The following KIRREL3 variants were observed in gnomAD, a reference collection of about 807,000 sequenced individuals.
KIRREL3 encodes kirre like nephrin family adhesion molecule 3.
KIRREL3 carries 36 observed loss-of-function variants against 89.7 expected under a neutral mutation model. That is an observed-to-expected ratio of 0.40 (90% CI 0.31 to 0.53). The LOEUF is 0.53. Ranked by LOEUF, KIRREL3 falls within the 20% of genes least tolerant of loss-of-function variation. The probability of loss-of-function intolerance (pLI) is 0.49; values close to 1 mark genes in which losing one functional copy is unlikely to be tolerated. For synonymous variants in KIRREL3, 445 were observed against 441.4 expected, an observed-to-expected ratio of 1.01 and a Z score of -0.10; for missense variants, 864 against 1,056.6, an observed-to-expected ratio of 0.82 and a Z score of 2.53.
intron 1 of KIRREL3, among the ~76,000 whole-genome samples, chr11:126,733,110 T>G (rs1254594941): frequency 1.3e-5 from 2 of 152,236 alleles, no homozygotes; most frequent in Non-Finnish European, 2.9e-5. Context: ...AAAGTGTAAT[T>G]TCTAGTCCCT....
chr11:126,521,656 TTC>T lies in KIRREL3; in HGVS notation c.284-194_284-193del, dbSNP rs749386420. 7.0e-3 allele frequency among the ~76,000 whole-genome samples: 1,031 copies of T among 148,134 alleles called. 13 individuals carry two copies. The highest frequency in any genetic ancestry group is 0.018 in the African/African-American group (705 of 40,056). ...TTTCCCAAGGCATTGAAGGTGTTGG[TTC>T]TCTCTCTCTCTCTCTGTATGTGTGT... On this transcript the variant is annotated intron_variant, in intron 3 of 16. Transcript: ENST00000525144. The surrounding 1 kb of genome is among the most constrained non-coding windows in gnomAD (Gnocchi z 4.1).
intron 1 of KIRREL3, among the ~76,000 whole-genome samples, chr11:126,757,032 A>T (rs1949526284): frequency 6.6e-6 from 1 of 152,178 alleles, no homozygotes; most frequent in African/African-American, 2.4e-5. Flanking sequence ...CATGTTACAC[A>T]CATCATTTCT....
chr11:126,480,869 G>A (rs1288049897), intron 4 of KIRREL3, among the ~76,000 whole-genome samples: 1 of 152,192 alleles, frequency 6.6e-6, no homozygotes, highest in Admixed American at 6.5e-5. Flanking sequence ...CTCTGGTTCT[G>A]GGCCGCGTGT....
chr11:126,451,719 C>T (rs568740058), intron 7 of KIRREL3, among the ~76,000 whole-genome samples: 29 of 152,186 alleles, frequency 1.9e-4, no homozygotes, highest in Admixed American at 2.6e-4. Flanking sequence ...TGTGTGAGCA[C>T]GTGCATATGC....
At chr11:126,968,006 G>A (rs1270516251) in intron 1 of KIRREL3, among the ~76,000 whole-genome samples, 1 of 152,128 alleles carries the variant, frequency 6.6e-6, no homozygotes, top group African/African-American at 2.4e-5. Context: ...CTATTTTCCT[G>A]CCTATCTTAC....
In KIRREL3 at chr11:126,485,023, T is replaced by A. The variant is rs1591617611; in HGVS notation, c.434-11557A>T. ...TTGGTGGAGACGGGGTTTCGTCATG[T>A]TGGCCAGGCTGGTCTCAAACGCCTG... On this transcript the variant is annotated intron_variant, in intron 4 of 16. Transcript: ENST00000525144. The surrounding 1 kb of genome is among the most constrained non-coding windows in gnomAD (Gnocchi z 5.8). 6.6e-6 allele frequency among the ~76,000 whole-genome samples: 1 copy of A among 152,154 alleles called. No homozygotes were observed. Among genetic ancestry groups the A allele is most frequent in the Non-Finnish European group, 1.5e-5 (1 of 68,022 alleles).
intron 1 of KIRREL3, among the ~76,000 whole-genome samples, chr11:126,731,275 C>T (rs560537344): frequency 4.1e-4 from 62 of 152,236 alleles, no homozygotes; most frequent in Non-Finnish European, 6.8e-4. Context: ...GATAATCTGC[C>T]GTTCTCTGAG....
rs2135235321 is a variant in KIRREL3 at position 126,977,181 on chromosome 11, C to T, written c.55+23274G>A. Among the ~76,000 whole-genome samples the T allele has an allele frequency of 6.6e-6, 1 of 152,256 alleles. No individual in the cohort carries two copies. Among genetic ancestry groups the T allele is most frequent in the African/African-American group, 2.4e-5 (1 of 41,540 alleles). On this transcript the variant is annotated intron_variant, in intron 1 of 16. Transcript: ENST00000525144. The surrounding 1 kb of genome is among the most constrained non-coding windows in gnomAD (Gnocchi z 4.7). ...GGCACCTTTGTTACAGGCTCCTGCA[C>T]CTCTTTTGTCCTCTTCTTCTGCCAG...
rs932057226 is a variant in KIRREL3 at position 126,640,171 on chromosome 11, A to G, written c.56-77259T>C. On this transcript the variant is annotated intron_variant, in intron 1 of 16. Coordinates refer to ENST00000525144, the MANE Select transcript of KIRREL3 (RefSeq NM_032531.4). The surrounding 1 kb of genome is among the most constrained non-coding windows in gnomAD (Gnocchi z 4.9). ...ATAGAAGCTCTATGATTTTCTGTCT[A>G]TCTCACTCACCCTTCAGCTGGTGAG... Among the ~76,000 whole-genome samples, 3 of 152,150 alleles carry G rather than the reference A, an allele frequency of 2.0e-5. No homozygotes were observed. The highest frequency in any genetic ancestry group is 4.4e-5 in the Non-Finnish European group (3 of 68,024).
intron 1 of KIRREL3, among the ~76,000 whole-genome samples, chr11:126,649,001 G>A (rs1390023243): frequency 1.3e-5 from 2 of 152,174 alleles, no homozygotes; most frequent in East Asian, 1.9e-4. Context: ...GGGTGGGGAG[G>A]CCTCAGAATC....
At chr11:126,967,280 T>A (rs749597100) in intron 1 of KIRREL3, among the ~76,000 whole-genome samples, 4 of 152,188 alleles carry the variant, frequency 2.6e-5, no homozygotes, top group Non-Finnish European at 5.9e-5. Context: ...TCCTTCACCA[T>A]GCCCGCACAT....
At chr11:126,679,312 A>G (rs1946346696) in intron 1 of KIRREL3, among the ~76,000 whole-genome samples, 1 of 152,208 alleles carries the variant, frequency 6.6e-6, no homozygotes, top group African/African-American at 2.4e-5. Context: ...CTTGTGGTTG[A>G]AGCCACAGTT....
Position 126,896,205 on chromosome 11 carries a change from C to T in KIRREL3, c.55+104250G>A, listed in dbSNP as rs1946151283. 6.6e-6 allele frequency among the ~76,000 whole-genome samples: 1 copy of T among 152,208 alleles called. No individual in the cohort carries two copies. Among genetic ancestry groups the T allele is most frequent in the Non-Finnish European group, 1.5e-5 (1 of 68,034 alleles). ...CATTAGTCAGAGAGAAGTCATTCTC[C>T]AGGACTCTGTGAGTTCTCTAATCCA... On this transcript the variant is annotated intron_variant, in intron 1 of 16. Transcript: ENST00000525144. This position sits in a 1 kb window ranked among gnomAD's most constrained non-coding sequence, Gnocchi z 4.1.
intron 1 of KIRREL3, among the ~76,000 whole-genome samples, chr11:126,690,990 C>T (rs1946857719): frequency 6.6e-6 from 1 of 152,150 alleles, no homozygotes; most frequent in Non-Finnish European, 1.5e-5. Context: ...TCTTGATGAA[C>T]AGAAGTTCTT....
intron 1 of KIRREL3, among the ~76,000 whole-genome samples, chr11:126,894,086 G>A (rs1050582086): frequency 2.6e-5 from 4 of 152,208 alleles, no homozygotes; most frequent in Admixed American, 6.5e-5. Context: ...CTGTTGACAC[G>A]TCCACCTCGT....
Position 126,711,848 on chromosome 11 carries a change from A to G in KIRREL3, c.56-148936T>C, listed in dbSNP as rs369894233. 2.4e-3 allele frequency among the ~76,000 whole-genome samples: 363 copies of G among 152,274 alleles called. 2 individuals are homozygous for G. Among genetic ancestry groups the G allele is most frequent in the African/African-American group, 8.4e-3 (348 of 41,560 alleles). ...CTCCCCTCCCAGCTGCCCTCTCTCC[A>G]CTGAGCCTGAAGCATGGGCGGCGGT... On this transcript the variant is annotated intron_variant, in intron 1 of 16. Coordinates refer to ENST00000525144, the MANE Select transcript of KIRREL3 (RefSeq NM_032531.4).
chr11:126,482,730 C>A lies in KIRREL3; in HGVS notation c.434-9264G>T, dbSNP rs188773451. On this transcript the variant is annotated intron_variant, in intron 4 of 16. Transcript: ENST00000525144. ...TGCCCTGCTGGGAGCTGGGTGAAGACCCTGCTGCTCCCATGGGTGATTCCA... is the reference window on the plus strand; with the variant it reads ...TGCCCTGCTGGGAGCTGGGTGAAGAACCTGCTGCTCCCATGGGTGATTCCA... Among the ~76,000 whole-genome samples the A allele has an allele frequency of 1.1e-3, 162 of 152,310 alleles. 1 individual carries two copies. The highest frequency in any genetic ancestry group is 3.6e-3 in the African/African-American group (151 of 41,558).
At chr11:126,450,526 CGTAT>C (rs1956021154) in intron 7 of KIRREL3, among the ~76,000 whole-genome samples, 1 of 120,126 alleles carries the variant, frequency 8.3e-6, no homozygotes, top group Non-Finnish European at 1.7e-5. Context: ...TGTGCATCTG[CGTAT>C]GTGTGCATGT....
intron 1 of KIRREL3, among the ~76,000 whole-genome samples, chr11:126,959,851 T>A (rs1949032116): frequency 6.6e-6 from 1 of 152,174 alleles, no homozygotes; most frequent in Non-Finnish European, 1.5e-5. Context: ...CTCTCACAGC[T>A]AACCCCTTCC....
Sources: allele counts gnomAD v4.1 joint callset (sites outside exome capture counted in the v4.1 genomes callset), GRCh38; gene constraint gnomAD v4.1.1; non-coding constraint Gnocchi (gnomAD v3.1); transcripts MANE v1.5; gene names NCBI Gene and HGNC (gene_info 2026-07-23, HGNC 2026-07-21).